Variants in MBD5 observed in about 807,000 individuals in gnomAD.
MBD5 encodes the protein methyl-CpG binding domain protein 5.
In MBD5, 13 loss-of-function variants were observed where a neutral mutation model predicts 117.3. The ratio of observed to expected loss-of-function variants is 0.11; its 90% CI spans 0.07 to 0.18. The LOEUF is 0.18. Ranked by LOEUF, MBD5 falls within the 10% of genes least tolerant of loss-of-function variation. The probability of loss-of-function intolerance (pLI) is 1.00; values close to 1 mark genes in which losing one functional copy is unlikely to be tolerated. For missense variants in MBD5, 1,879 were observed against 2,093.8 expected (o/e 0.90, Z 2.00); for synonymous variants, 727 against 766.4 (o/e 0.95, Z 0.85).
chr2:148,045,135 T>C (rs376035545), intron 1 of MBD5, among the ~76,000 whole-genome samples: 1 of 152,198 alleles, frequency 6.6e-6, no homozygotes, highest in African/African-American at 2.4e-5. Flanking sequence ...ATGGTTATAA[T>C]AGCAGCTTAC....
intron 3 of MBD5, among the ~76,000 whole-genome samples, chr2:148,321,020 A>C (rs1231621072): frequency 6.6e-6 from 1 of 152,190 alleles, no homozygotes; most frequent in Non-Finnish European, 1.5e-5. Flanking sequence ...AAGGGAAACT[A>C]AAAAAATTTT....
intron 1 of MBD5, among the ~76,000 whole-genome samples, chr2:148,089,232 A>G (rs1240390762): frequency 6.6e-6 from 1 of 152,120 alleles, no homozygotes; most frequent in Non-Finnish European, 1.5e-5. Flanking sequence ...AAGAAATAAG[A>G]TAAACAGCAA....
At chr2:148,132,735 C>G (rs1188548863) in intron 1 of MBD5, among the ~76,000 whole-genome samples, 2 of 152,062 alleles carry the variant, frequency 1.3e-5, no homozygotes, top group Non-Finnish European at 1.5e-5. Context: ...TGAGGGTAGG[C>G]TGGTAAATTT....
chr2:148,414,705 C>T (rs989885094), intron 4 of MBD5, among the ~76,000 whole-genome samples: 2 of 152,104 alleles, frequency 1.3e-5, no homozygotes, highest in African/African-American at 4.8e-5. Context: ...AACCGCTTAC[C>T]ACTATGTAAT....
intron 3 of MBD5, among the ~76,000 whole-genome samples, chr2:148,236,584 C>T (rs1700096519): frequency 2.6e-5 from 4 of 152,024 alleles, no homozygotes; most frequent in Non-Finnish European, 5.9e-5. Flanking sequence ...AAATAGTCAG[C>T]GAATCATGCT....
chr2:148,468,940 C>T lies in MBD5; in HGVS notation c.997C>T (p.Pro333Ser), dbSNP rs1680687463. 6.2e-7 allele frequency: 1 copy of T among 1,613,746 alleles called. No individual in the cohort carries two copies. Among genetic ancestry groups the T allele is most frequent in the African/African-American group, 1.3e-5 (1 of 74,986 alleles). ...IPRAMFHHKP[P>S]QGPPPPPPPS... is the part of the protein sequence containing the mutation. ...ACGAGCAATGTTCCACCACAAACCA[C>T]CCCAAGGCCCACCTCCCCCTCCTCC... Residue 333 changes from proline (P) to serine (S), a missense_variant, in exon 8 of 14, where the codon CCC becomes TCC. Physicochemically the swap from Pro to Ser is moderately conservative, Grantham distance 74 (BLOSUM62 -1). This residue lies in a region of MBD5 where 1,666 missense variants were observed against 1,792.2 expected (regional missense o/e 0.93). Coordinates refer to ENST00000642680, the MANE Select transcript of MBD5 (RefSeq NM_001378120.1).
Position 148,502,465 on chromosome 2 carries a change from A to G in MBD5, c.4992A>G (p.Thr1664=). The G allele has an allele frequency of 6.2e-7, 1 of 1,614,232 alleles. No homozygotes were observed. The highest frequency in any genetic ancestry group is 8.5e-7 in the Non-Finnish European group (1 of 1,180,022). ...KVEPEKLKTL[T]EGLEAYSRVR... is the part of the protein sequence containing the mutation. The stretch of plus-strand genomic sequence containing the variant: ...AGCCCGAGAAGTTGAAGACACTAAC[A>G]GAAGGTTTGGAAGCCTACAGCCGTG... Residue 1664 remains threonine, a synonymous_variant, in exon 12 of 14, where the codon ACA becomes ACG. Transcript: ENST00000642680.
intron 12 of MBD5, among the ~76,000 whole-genome samples, chr2:148,505,629 T>C (rs1163793246): frequency 6.6e-6 from 1 of 152,188 alleles, no homozygotes; most frequent in Non-Finnish European, 1.5e-5. Context: ...AAATGGCTAT[T>C]AAATAAGAAT....
intron 8 of MBD5, among the ~76,000 whole-genome samples, chr2:148,473,375 T>C (rs1305159047): frequency 3.3e-5 from 5 of 152,008 alleles, no homozygotes; most frequent in Non-Finnish European, 7.4e-5. Context: ...ATGTAGATGC[T>C]AGTCATGTCA....
intron 3 of MBD5, among the ~76,000 whole-genome samples, chr2:148,304,867 C>A (rs2106495814): frequency 6.6e-6 from 1 of 152,088 alleles, no homozygotes; most frequent in South Asian, 2.1e-4. Context: ...TCGAGACCAT[C>A]CCGGCTAAAA....
chr2:148,044,057 T>C (rs1694449456), intron 1 of MBD5, among the ~76,000 whole-genome samples: 1 of 152,236 alleles, frequency 6.6e-6, no homozygotes, highest in African/African-American at 2.4e-5. Flanking sequence ...CGTAGTGATA[T>C]GAACTGTCTC....
chr2:148,406,971 A>G (rs906960430), intron 4 of MBD5, among the ~76,000 whole-genome samples: 2 of 152,144 alleles, frequency 1.3e-5, no homozygotes, highest in African/African-American at 2.4e-5. Context: ...ATTATTTTAC[A>G]TATGAAGTTG....
At chr2:148,286,250 T>C (rs1318292904) in intron 3 of MBD5, among the ~76,000 whole-genome samples, 1 of 152,258 alleles carries the variant, frequency 6.6e-6, no homozygotes, top group East Asian at 1.9e-4. Flanking sequence ...TGAATGATTC[T>C]TGCTTTTTAT....
At chr2:148,340,536 T>C (rs1553502788) in intron 3 of MBD5, among the ~76,000 whole-genome samples, 1 of 152,140 alleles carries the variant, frequency 6.6e-6, no homozygotes, top group Non-Finnish European at 1.5e-5. Flanking sequence ...AGCGGTTTGG[T>C]ACTCAAGATA....
At chr2:148,098,862 G>C (rs1696131600) in intron 1 of MBD5, among the ~76,000 whole-genome samples, 1 of 151,932 alleles carries the variant, frequency 6.6e-6, no homozygotes, top group African/African-American at 2.4e-5. Flanking sequence ...ACAGGCATAG[G>C]CAACATGGCG....
chr2:148,338,568 G>A (rs1196919861), intron 3 of MBD5, among the ~76,000 whole-genome samples: 1 of 152,166 alleles, frequency 6.6e-6, no homozygotes, highest in Non-Finnish European at 1.5e-5. Flanking sequence ...AAAGATTCAG[G>A]AAAGACATGT....
chr2:148,350,830 G>T (rs1013470088), intron 4 of MBD5, among the ~76,000 whole-genome samples: 2 of 151,896 alleles, frequency 1.3e-5, no homozygotes, highest in African/African-American at 4.8e-5. Flanking sequence ...ATTTCTTACT[G>T]ATTATCATAT....
chr2:148,492,869 A>G (rs931098298), intron 11 of MBD5, among the ~76,000 whole-genome samples: 1 of 152,078 alleles, frequency 6.6e-6, no homozygotes, highest in African/African-American at 2.4e-5. Flanking sequence ...ACAAAACGTG[A>G]TGTATTTCAG....
intron 8 of MBD5, among the ~76,000 whole-genome samples, chr2:148,477,985 G>A (rs1681025837): frequency 6.6e-6 from 1 of 152,080 alleles, no homozygotes; most frequent in African/African-American, 2.4e-5. Context: ...TTTGATATGA[G>A]CTTTATATCC....
Sources: gnomAD v4.1 joint callset for allele counts (sites outside exome capture counted in the v4.1 genomes callset) on GRCh38, gnomAD v4.1.1 for gene constraint, gnomAD v4.1.1 regional missense constraint, MANE v1.5 for transcripts, NCBI Gene and HGNC (gene_info 2026-07-23, HGNC 2026-07-21) for gene names.